Variants in ENTREP2 observed in about 807,000 individuals in gnomAD.
ENTREP2 encodes the protein endosomal transmembrane epsin interactor 2.
chr15:29,616,121 C>G, the ENTREP2 span, among the ~76,000 whole-genome samples: 1 of 152,234 alleles, frequency 6.6e-6, no homozygotes. Context: ...TGCAAATATA[C>G]AGCAGTTTTG....
the ENTREP2 span, among the ~76,000 whole-genome samples, chr15:29,208,335 T>G: frequency 0.021 from 3,189 of 152,186 alleles, 109 homozygotes; most frequent in African/African-American, 0.073. Flanking sequence ...ACCAAATACA[T>G]AAAGACATTG....
At chr15:29,292,225 A>G in the ENTREP2 span, among the ~76,000 whole-genome samples, 1 of 152,214 alleles carries the variant, frequency 6.6e-6, no homozygotes, top group Admixed American at 6.5e-5. Flanking sequence ...GACAGGCTTC[A>G]GTACATAATT....
chr15:29,657,483 C>CGGGGGGGGG, the ENTREP2 span, among the ~76,000 whole-genome samples: 35 of 69,388 alleles, frequency 5.0e-4, no homozygotes, highest in South Asian at 1.1e-3. Context: ...GCTGGGGGGG[C>CGGGGGGGGG]GGGGGGGGGG....
chr15:29,188,256 T>A, the ENTREP2 span, among the ~76,000 whole-genome samples: 892 of 152,340 alleles, frequency 5.9e-3, 12 homozygotes, highest in African/African-American at 0.02. Context: ...TTTCTTTTTT[T>A]AATTATACTT....
the ENTREP2 span, among the ~76,000 whole-genome samples, chr15:29,158,709 A>G: frequency 6.6e-6 from 1 of 152,218 alleles, no homozygotes; most frequent in Non-Finnish European, 1.5e-5. Context: ...AAGGTGATTC[A>G]AAACGGCGAA....
chr15:29,624,939 G>C, the ENTREP2 span, among the ~76,000 whole-genome samples: 2 of 146,820 alleles, frequency 1.4e-5, no homozygotes, highest in African/African-American at 5.1e-5. Context: ...CCTATGTGTA[G>C]ATTTATGTAA....
chr15:29,160,412 G>A, the ENTREP2 span, among the ~76,000 whole-genome samples: 24 of 152,192 alleles, frequency 1.6e-4, no homozygotes, highest in East Asian at 2.1e-3. Flanking sequence ...GGAAGGCTGC[G>A]AGGACTGCCA....
the ENTREP2 span, chr15:29,381,892 A>G: frequency 4.8e-6 from 7 of 1,457,076 alleles, no homozygotes; most frequent in Non-Finnish European, 6.6e-6. Context: ...GGGCAATCAA[A>G]ACACTGTGAA....
At chr15:29,261,930 AAAG>A in the ENTREP2 span, among the ~76,000 whole-genome samples, 13 of 151,846 alleles carry the variant, frequency 8.6e-5, no homozygotes, top group Admixed American at 3.3e-4. Context: ...ATAAAAAAAA[AAAG>A]AACCACTAAG....
chr15:29,162,718 C>T, the ENTREP2 span, among the ~76,000 whole-genome samples: 1 of 151,960 alleles, frequency 6.6e-6, no homozygotes, highest in African/African-American at 2.4e-5. Flanking sequence ...TCGTCCTTCC[C>T]TACCCACTCT....
At chr15:29,607,837 C>T in the ENTREP2 span, among the ~76,000 whole-genome samples, 3,113 of 131,312 alleles carry the variant, frequency 0.024, 80 homozygotes, top group African/African-American at 0.065. Context: ...GACAGACAGA[C>T]AGACAGATAG....
chr15:29,134,804 G>A, the ENTREP2 span, among the ~76,000 whole-genome samples: 1 of 152,216 alleles, frequency 6.6e-6, no homozygotes, highest in Non-Finnish European at 1.5e-5. Context: ...ATTGCCACCT[G>A]GCTTGCGTGC....
the ENTREP2 span, among the ~76,000 whole-genome samples, chr15:29,630,161 T>C: frequency 3.3e-5 from 5 of 152,148 alleles, no homozygotes; most frequent in Non-Finnish European, 5.9e-5. Context: ...AAAGAGTAAA[T>C]CTGATGGCAA....
the ENTREP2 span, among the ~76,000 whole-genome samples, chr15:29,337,710 C>T: frequency 8.5e-4 from 130 of 152,276 alleles, no homozygotes; most frequent in African/African-American, 2.9e-3. Flanking sequence ...AGAGCTTCCA[C>T]GTGCCAGGTC....
At chr15:29,381,865 C>A in the ENTREP2 span, 7 of 1,544,740 alleles carry the variant, frequency 4.5e-6, no homozygotes, top group African/African-American at 8.2e-5. Flanking sequence ...AGGTGAGATG[C>A]TTCCGAAACC....
chr15:29,379,923 G>A, the ENTREP2 span, among the ~76,000 whole-genome samples: 1 of 152,076 alleles, frequency 6.6e-6, no homozygotes, highest in Non-Finnish European at 1.5e-5. Flanking sequence ...GTGGAGTGAG[G>A]AGGCAGCTGT....
the ENTREP2 span, among the ~76,000 whole-genome samples, chr15:29,523,028 C>A: frequency 2.6e-5 from 4 of 152,228 alleles, no homozygotes; most frequent in Non-Finnish European, 5.9e-5. Flanking sequence ...AGGCTGTGTA[C>A]ATGCCAAGCA....
chr15:29,571,434 G>A, the ENTREP2 span, among the ~76,000 whole-genome samples: 1 of 150,760 alleles, frequency 6.6e-6, no homozygotes, highest in Non-Finnish European at 1.5e-5. Context: ...GCGCTGGGCC[G>A]CAGGTGTGGC....
the ENTREP2 span, among the ~76,000 whole-genome samples, chr15:29,341,809 G>A: frequency 6.6e-6 from 1 of 152,276 alleles, no homozygotes. Flanking sequence ...ACCGTGGAAA[G>A]TTACAGAAAC....
Sources: gnomAD v4.1 joint callset for allele counts (sites outside exome capture counted in the v4.1 genomes callset) on GRCh38, gnomAD v4.1.1 for gene constraint, MANE v1.5 for transcripts, NCBI Gene and HGNC (gene_info 2026-07-23, HGNC 2026-07-21) for gene names.